The following PAX3 variants were observed in gnomAD, a reference collection of about 807,000 sequenced individuals.
The protein encoded by PAX3 is paired box protein Pax-3.
PAX3 carries 14 observed loss-of-function variants against 51.6 expected under a neutral mutation model. The ratio of observed to expected loss-of-function variants is 0.27; its 90% confidence interval spans 0.18 to 0.42. PAX3 has a LOEUF of 0.42. Among genes scored for constraint, PAX3 ranks in the 10% least tolerant of loss-of-function variants. The probability of loss-of-function intolerance (pLI) is 1.00; values close to 1 mark genes in which losing one functional copy is unlikely to be tolerated. For synonymous variants in PAX3, 280 were observed against 253.4 expected (o/e 1.11, Z -1.00); for missense variants, 540 against 642.8 (o/e 0.84, Z 1.73).
In PAX3 at chr2:222,265,081, T is replaced by TTG. The variant is rs1271236936; in HGVS notation, c.586+29084_586+29085dup. ...AAAAGTACTTAAACACATGAGATTG[T>TTG]TGTGATCTGCTCATGTGACCATCTT... On this transcript the variant is annotated intron_variant, in intron 4 of 8. Transcript: ENST00000392070. 2.0e-5 allele frequency: 3 copies of TTG among 152,190 alleles called. No homozygotes were observed. The East Asian group carries it at 5.8e-4, about 29-fold the overall frequency. The allele number at this position is 152,190 out of a possible 1,614,324, so 9.4% of individuals were successfully genotyped here. A position where few individuals can be genotyped will look rare whatever the true frequency, so the allele number is the denominator to read the frequency against.
At chr2:222,210,453 G>A (rs1035421877) in intron 7 of PAX3, among the ~76,000 whole-genome samples, 1 of 151,940 alleles carries the variant, frequency 6.6e-6, no homozygotes, top group South Asian at 2.1e-4. Flanking sequence ...AAGATGGACT[G>A]TATATTTTCA....
intron 4 of PAX3, among the ~76,000 whole-genome samples, chr2:222,285,207 T>C (rs1328355181): frequency 1.3e-5 from 2 of 152,268 alleles, no homozygotes; most frequent in African/African-American, 4.8e-5. Context: ...CATGCACACA[T>C]GCTTTGGCCA....
chr2:222,274,445 C>T (rs1304675737), intron 4 of PAX3, among the ~76,000 whole-genome samples: 1 of 150,794 alleles, frequency 6.6e-6, no homozygotes, highest in African/African-American at 2.4e-5. Flanking sequence ...TAGTAAATGT[C>T]TCAACGCTGT....
chr2:222,221,756 C>G (rs1003410846), intron 5 of PAX3: 1 of 279,326 alleles, frequency 3.6e-6, no homozygotes, highest in Non-Finnish European at 7.0e-6. Flanking sequence ...CCTCTGTGAC[C>G]CCTGCATGAC....
chr2:222,252,753 C>A (rs987270676), intron 4 of PAX3, among the ~76,000 whole-genome samples: 42 of 152,104 alleles, frequency 2.8e-4, no homozygotes, highest in African/African-American at 9.9e-4. Flanking sequence ...TGTTACTCAA[C>A]CTTATAGGGC....
chr2:222,270,054 T>A (rs1358770425), intron 4 of PAX3, among the ~76,000 whole-genome samples: 1 of 152,184 alleles, frequency 6.6e-6, no homozygotes, highest in Admixed American at 6.5e-5. Flanking sequence ...ATTGTCCCCT[T>A]GCAACACTGT....
chr2:222,287,955 G>C (rs1336133495), intron 4 of PAX3, among the ~76,000 whole-genome samples: 1 of 152,214 alleles, frequency 6.6e-6, no homozygotes, highest in African/African-American at 2.4e-5. Flanking sequence ...GCAGATCCAT[G>C]ATGCACAGTT....
At chr2:222,213,639 A>C (rs1486562788) in intron 7 of PAX3, among the ~76,000 whole-genome samples, 1 of 152,186 alleles carries the variant, frequency 6.6e-6, no homozygotes, top group Non-Finnish European at 1.5e-5. Context: ...TTGACACCCA[A>C]CAAATTTCTT....
chr2:222,201,004 C>T lies in PAX3; in HGVS notation c.*404G>A. 1 of 683,464 alleles carries T rather than the reference C, an allele frequency of 1.5e-6. No homozygotes were observed. The highest frequency in any genetic ancestry group is 2.5e-4 in the Middle Eastern group (1 of 4,022). 42.3% of individuals were successfully genotyped at this position (683,464 alleles called of 1,614,324 possible). A position where few individuals can be genotyped will look rare whatever the true frequency, so the allele number is the denominator to read the frequency against. ...TTCTATTATATTTTAGAACAGTCTG[C>T]TTGCCCAAACCAGTCTGGGTAAATC... On this transcript the variant is annotated 3_prime_UTR_variant, in exon 9 of 9. Transcript: ENST00000392070.
intron 7 of PAX3, among the ~76,000 whole-genome samples, chr2:222,209,898 A>T (rs1014922370): frequency 1.3e-5 from 2 of 152,018 alleles, no homozygotes; most frequent in Non-Finnish European, 2.9e-5. Context: ...CTCAAAAAAA[A>T]TTAAATTTAA....
chr2:222,209,817 G>T (rs1426929766), intron 7 of PAX3, among the ~76,000 whole-genome samples: 1 of 148,556 alleles, frequency 6.7e-6, no homozygotes, highest in Non-Finnish European at 1.5e-5. Context: ...CCTGAGCCCA[G>T]GAAGTCAAGG....
rs528033245 is a variant in PAX3, at chr2:222,277,685, C to T, written c.586+16482G>A. ...TCGCAGTGGCTCACACCTGTAACCCCAGCACTTTGGGAGGCTGAGGCAGGC... is the reference window on the plus strand; with the variant it reads ...TCGCAGTGGCTCACACCTGTAACCCTAGCACTTTGGGAGGCTGAGGCAGGC... On this transcript the variant is annotated intron_variant, in intron 4 of 8. Transcript: ENST00000392070. Among the ~76,000 whole-genome samples, 15 of 152,254 alleles carry T rather than the reference C, an allele frequency of 9.9e-5. No homozygotes were observed. The East Asian group carries it at 2.9e-3, about 29-fold the overall frequency.
intron 5 of PAX3, among the ~76,000 whole-genome samples, chr2:222,226,760 C>A (rs930519182): frequency 1.3e-5 from 2 of 150,100 alleles, no homozygotes; most frequent in Non-Finnish European, 3.0e-5. Flanking sequence ...TTCTCAGGAC[C>A]CTTGGGAATC....
At chr2:222,201,885 A>G in intron 8 of PAX3, 59 bp downstream of exon 8, 1 of 1,613,584 alleles carries the variant, frequency 6.2e-7, no homozygotes, top group Non-Finnish European at 8.5e-7. Flanking sequence ...TTTCTTAAGG[A>G]AGAGTTGAGT....
At chr2:222,297,910 T>G (rs1333902387) in intron 1 of PAX3, among the ~76,000 whole-genome samples, 2 of 152,130 alleles carry the variant, frequency 1.3e-5, no homozygotes, top group African/African-American at 2.4e-5. Flanking sequence ...GGAAAACCAT[T>G]GAAAACGGCT....
At chr2:222,231,025 A>G (rs1225634318) in intron 5 of PAX3, among the ~76,000 whole-genome samples, 1 of 152,176 alleles carries the variant, frequency 6.6e-6, no homozygotes, top group Admixed American at 6.5e-5. Context: ...TGATCTTAGC[A>G]TTCCTTGACT....
At chr2:222,256,191 C>A (rs1430659) in intron 4 of PAX3, among the ~76,000 whole-genome samples, 4 of 152,092 alleles carry the variant, frequency 2.6e-5, no homozygotes, top group African/African-American at 7.2e-5. Flanking sequence ...CTATTTGGAA[C>A]GTGCCAGAAT....
Position 222,294,177 on chromosome 2 carries a change from C to T in PAX3, c.576G>A (p.Leu192=). ...KKAKHSIDGI[L]SERASAPQSD... is the part of the protein sequence containing the mutation. The stretch of plus-strand genomic sequence containing the variant: ...GGCGCCACCGCTTACCTCGCTCGCT[C>T]AGGATGCCGTCGATGCTGTGTTTGG... The change falls in exon 4 of 9, where the codon CTG becomes CTA. Residue 192 remains leucine (L), a synonymous_variant. Coordinates refer to ENST00000392070, the MANE Select transcript of PAX3 (RefSeq NM_181458.4). 2 of 1,614,258 alleles carry T rather than the reference C, an allele frequency of 1.2e-6. No homozygotes were observed. Among genetic ancestry groups the T allele is most frequent in the Non-Finnish European group, 1.7e-6 (2 of 1,180,050 alleles).
intron 7 of PAX3, among the ~76,000 whole-genome samples, chr2:222,219,352 T>A (rs1692092892): frequency 6.6e-6 from 1 of 152,138 alleles, no homozygotes; most frequent in African/African-American, 2.4e-5. Flanking sequence ...TGGGCAGCTA[T>A]CCTTGCCACC....
Sources: gnomAD v4.1 joint callset for allele counts (sites outside exome capture counted in the v4.1 genomes callset) on GRCh38, gnomAD v4.1.1 for gene constraint, MANE v1.5 for transcripts, NCBI Gene and HGNC (gene_info 2026-07-23, HGNC 2026-07-21) for gene names.